The following RNF19A variants were observed in gnomAD, a reference collection of about 807,000 sequenced individuals.
RNF19A encodes ring finger protein 19A, RBR E3 ubiquitin protein ligase.
A neutral mutation model predicts 75.7 loss-of-function variants in RNF19A; 32 were observed. The ratio of observed to expected loss-of-function variants is 0.42; its 90% CI spans 0.32 to 0.57. The LOEUF is 0.57. Among genes scored for constraint, RNF19A ranks in the 20% least tolerant of loss-of-function variants. The pLI is 0.10. For missense variants in RNF19A, 782 were observed against 1,036.3 expected, an observed-to-expected ratio of 0.75 and a Z score of 3.37; for synonymous variants, 335 against 345.2, an observed-to-expected ratio of 0.97 and a Z score of 0.33.
chr8:100,278,961 T>C (rs1321878914), intron 2 of RNF19A, among the ~76,000 whole-genome samples: 2 of 152,122 alleles, frequency 1.3e-5, no homozygotes, highest in African/African-American at 4.8e-5. Context: ...CATATTTTCT[T>C]CTCAAATTTT....
Position 100,264,226 on chromosome 8 carries a change from C to T in RNF19A, c.1307-31G>A. The T allele has an allele frequency of 6.5e-7, 1 of 1,532,714 alleles. No individual in the cohort carries two copies. The highest frequency in any genetic ancestry group is 8.9e-7 in the Non-Finnish European group (1 of 1,125,018). The allele number at this position is 1,532,714 out of a possible 1,614,324, so 94.9% of individuals were successfully genotyped here. On this transcript the variant is annotated intron_variant, in intron 6 of 9. Transcript: ENST00000341084. The surrounding 1 kb of genome is among the most constrained non-coding windows in gnomAD (Gnocchi z 4.7). ...GAGAAATTAAATCAGTCATTACAAACAACAACAACAAAATAACTCACAGAA... is the reference window on the plus strand; with the variant it reads ...GAGAAATTAAATCAGTCATTACAAATAACAACAACAAAATAACTCACAGAA...
At chr8:100,273,162 C>T (rs1344175147) in intron 3 of RNF19A, among the ~76,000 whole-genome samples, 1 of 152,188 alleles carries the variant, frequency 6.6e-6, no homozygotes, top group African/African-American at 2.4e-5. Flanking sequence ...CCATTGCGCC[C>T]AGCCAAGATT....
chr8:100,315,723 C>T (rs1822363678), intron 1 of RNF19A, among the ~76,000 whole-genome samples: 2 of 152,140 alleles, frequency 1.3e-5, no homozygotes, highest in African/African-American at 4.8e-5. Context: ...GCAGTGCGAT[C>T]ACCTTGACCT....
At chr8:100,273,039 A>C (rs1161050547) in intron 3 of RNF19A, among the ~76,000 whole-genome samples, 1 of 151,410 alleles carries the variant, frequency 6.6e-6, no homozygotes, top group Non-Finnish European at 1.5e-5. Context: ...CTAATTTTTT[A>C]AATTTTTTGT....
At chr8:100,309,303 T>A (rs1822193172) in intron 1 of RNF19A, 1 of 985,214 alleles carries the variant, frequency 1.0e-6, no homozygotes, top group African/African-American at 1.7e-5. Context: ...CTAACCTTCC[T>A]CCGAACACAG....
At position 100,257,930 on chromosome 8, in the gene RNF19A, T is replaced by G; in HGVS notation, c.*626A>C. On this transcript the variant is annotated 3_prime_UTR_variant, in exon 10 of 10. Transcript: ENST00000341084. ...AAGATGGCATCAACAATAAACAAGA[T>G]AGAGTACCAGGTATTTCTATTTCAA... The G allele has an allele frequency of 2.5e-6, 1 of 398,558 alleles. No individual in the cohort carries two copies. The highest frequency in any genetic ancestry group is 4.4e-6 in the Non-Finnish European group (1 of 225,810). 24.7% of individuals were successfully genotyped at this position (398,558 alleles called of 1,614,324 possible).
chr8:100,282,695 T>G (rs941475081), intron 2 of RNF19A, among the ~76,000 whole-genome samples: 1 of 152,196 alleles, frequency 6.6e-6, no homozygotes, highest in Non-Finnish European at 1.5e-5. Context: ...GCAAAATTTG[T>G]AAAAGGTCTA....
In RNF19A at chr8:100,333,944, C is replaced by T. The variant is rs2130425083; in HGVS notation, c.-243+2164G>A. 6.6e-6 allele frequency among the ~76,000 whole-genome samples: 1 copy of T among 152,202 alleles called. No homozygotes were observed. The highest frequency in any genetic ancestry group is 2.4e-5 in the African/African-American group (1 of 41,448). ...TAGTACCCCGATATTCTAACTTTGG[C>T]CCCACTCTACTGAAATTATCCAAGT... On this transcript the variant is annotated intron_variant, in intron 1 of 3. Transcript: ENST00000519527. The surrounding 1 kb of genome is among the most constrained non-coding windows in gnomAD (Gnocchi z 4.7).
At chr8:100,271,857 T>G (rs904611605) in intron 3 of RNF19A, among the ~76,000 whole-genome samples, 1 of 152,160 alleles carries the variant, frequency 6.6e-6, no homozygotes, top group South Asian at 2.1e-4. Flanking sequence ...AAATCCTAAA[T>G]GAAATTGTTT....
chr8:100,272,763 A>C (rs1431247486), intron 3 of RNF19A, among the ~76,000 whole-genome samples: 1 of 151,680 alleles, frequency 6.6e-6, no homozygotes, highest in East Asian at 1.9e-4. Flanking sequence ...AGGCTGTTGA[A>C]GTTTTAGAAC....
Position 100,287,946 on chromosome 8 carries a change from T to A in RNF19A, c.229A>T (p.Asn77Tyr), listed in dbSNP as rs562150378. The stretch of plus-strand genomic sequence containing the variant: ...TTTAGCTCCCTTGATTTACGTTTGT[T>A]ATCTTTTTTCCTCCGAAACAGGGAG... ...IGSLFRRKKD[N>Y]KRKSRELNGG... Residue 77 changes from asparagine to tyrosine, a missense_variant, in exon 2 of 10, where the codon AAC becomes TAC. This residue lies in a region of RNF19A where 148 missense variants were observed against 147.9 expected (regional missense o/e 1.00). Coordinates refer to ENST00000341084, the MANE Select transcript of RNF19A (RefSeq NM_183419.4). The surrounding 1 kb of genome is among the most constrained non-coding windows in gnomAD (Gnocchi z 4.1). 1 of 1,614,208 alleles carries A rather than the reference T, an allele frequency of 6.2e-7. No individual in the cohort carries two copies. The highest frequency in any genetic ancestry group is 2.2e-5 in the East Asian group (1 of 44,882).
rs1211493533 is a variant in RNF19A at position 100,304,803 on chromosome 8, T to C, written c.-94+5064A>G. 2.0e-5 allele frequency among the ~76,000 whole-genome samples: 3 copies of C among 152,352 alleles called. 1 individual carries two copies. In the South Asian group the frequency reaches 6.2e-4, roughly 32 times the overall value. ...TCATGGGAACTTCTATCCTGTTTTT[T>C]ACACTGAGCCTTGCTCTGACTAGTT... On this transcript the variant is annotated intron_variant, in intron 1 of 9. Coordinates refer to ENST00000341084, the MANE Select transcript of RNF19A (RefSeq NM_183419.4).
intron 5 of RNF19A, 93 bp downstream of exon 5, chr8:100,268,683 TAAAAAAAAA>T (rs34297750): frequency 5.6e-6 from 2 of 354,814 alleles, no homozygotes; most frequent in Non-Finnish European, 9.2e-6. Flanking sequence ...ACCCTTTGTC[TAAAAAAAAA>T]AAAAAAAAAA....
intron 2 of RNF19A, among the ~76,000 whole-genome samples, chr8:100,285,275 A>C (rs1368796618): frequency 6.6e-6 from 1 of 152,140 alleles, no homozygotes; most frequent in African/African-American, 2.4e-5. Context: ...TATATAACCT[A>C]CACCTCTGTA....
At chr8:100,313,901 A>ATTTTTTTTTTTTTTT (rs1554675394), upstream of RNF19A, among the ~76,000 whole-genome samples, 3 of 78,468 alleles carry the variant, frequency 3.8e-5, 1 homozygote, top group Non-Finnish European at 7.5e-5. Flanking sequence ...AAAGAGAACT[A>ATTTTTTTTTTTTTTT]CTTTTTTTTT....
intron 5 of RNF19A, among the ~76,000 whole-genome samples, chr8:100,268,250 T>C (rs1168209439): frequency 2.6e-5 from 4 of 152,088 alleles, no homozygotes; most frequent in Non-Finnish European, 5.9e-5. Flanking sequence ...GCTAATGAAA[T>C]ATAATTCATC....
chr8:100,288,112 G>C lies in RNF19A; in HGVS notation c.63C>G (p.Asp21Glu). The change falls in exon 2 of 10, where the codon GAC becomes GAG. Residue 21 changes from aspartate (D) to glutamate (E), a missense_variant. By Grantham distance (45) the Asp-to-Glu change is conservative. This residue lies in a region of RNF19A where 148 missense variants were observed against 147.9 expected (regional missense o/e 1.00). Transcript: ENST00000341084. ...KYNEGLCVNT[D>E]PVSILTSILD... Reference sequence around the variant, plus strand: ...AAATGCTTGTTAGAATTGAGACAGGGTCAGTGTTTACACACAGCCCTTCAT... The same window carrying C: ...AAATGCTTGTTAGAATTGAGACAGGCTCAGTGTTTACACACAGCCCTTCAT... The C allele has an allele frequency of 6.2e-7, 1 of 1,614,076 alleles. No homozygotes were observed. The highest frequency in any genetic ancestry group is 8.5e-7 in the Non-Finnish European group (1 of 1,180,006).
chr8:100,292,194 A>G (rs1821330129), intron 1 of RNF19A, among the ~76,000 whole-genome samples: 1 of 152,226 alleles, frequency 6.6e-6, no homozygotes, highest in African/African-American at 2.4e-5. Context: ...TTATGTTGAG[A>G]AGATAATAAA....
intron 1 of RNF19A, among the ~76,000 whole-genome samples, chr8:100,316,167 G>A (rs572529863): frequency 2.3e-4 from 35 of 151,468 alleles, no homozygotes; most frequent in African/African-American, 8.0e-4. Context: ...CTCTTAAGAC[G>A]GCGTGTCTGG....
Sources: gnomAD v4.1 joint callset for allele counts (sites outside exome capture counted in the v4.1 genomes callset) on GRCh38, gnomAD v4.1.1 for gene constraint, gnomAD v4.1.1 regional missense constraint, Gnocchi (gnomAD v3.1) non-coding constraint, MANE v1.5 for transcripts, NCBI Gene and HGNC (gene_info 2026-07-23, HGNC 2026-07-21) for gene names.